PAPPA2: variants seen among roughly 807,000 people sequenced by gnomAD.
PAPPA2 encodes pappalysin 2.
PAPPA2 carries 86 observed loss-of-function variants against 176.4 expected under a neutral mutation model. That is an observed-to-expected ratio of 0.49 (90% CI 0.41 to 0.58). The LOEUF is 0.58. Ranked by LOEUF, PAPPA2 falls within the 20% of genes least tolerant of loss-of-function variation. The probability of loss-of-function intolerance (pLI) is 0.00; values close to 1 mark genes in which losing one functional copy is unlikely to be tolerated. For synonymous variants in PAPPA2, 809 were observed against 852.2 expected, an observed-to-expected ratio of 0.95 and a Z score of 0.88; for missense variants, 2,073 against 2,256.9, an observed-to-expected ratio of 0.92 and a Z score of 1.65.
At chr1:176,824,436 T>C (rs1370648596) in intron 21 of PAPPA2, among the ~76,000 whole-genome samples, 1 of 152,244 alleles carries the variant, frequency 6.6e-6, no homozygotes, top group Non-Finnish European at 1.5e-5. Flanking sequence ...TTTATTCTCT[T>C]CTTTGGCTGT....
At chr1:176,764,657 C>G (rs946476702) in intron 14 of PAPPA2, among the ~76,000 whole-genome samples, 1 of 146,936 alleles carries the variant, frequency 6.8e-6, no homozygotes, top group Non-Finnish European at 1.5e-5. Flanking sequence ...AGTGCAGTGG[C>G]GAGATCTGGG....
At chr1:176,757,931 G>C (rs1302339072) in intron 14 of PAPPA2, among the ~76,000 whole-genome samples, 1 of 152,086 alleles carries the variant, frequency 6.6e-6, no homozygotes, top group Non-Finnish European at 1.5e-5. Context: ...CCAGCACTAG[G>C]ACCCCCAAGT....
At chr1:176,623,959 GC>G (rs1280751596) in intron 3 of PAPPA2, among the ~76,000 whole-genome samples, 1 of 151,300 alleles carries the variant, frequency 6.6e-6, no homozygotes, top group African/African-American at 2.4e-5. Context: ...TCCTACTTCA[GC>G]CCCCCAAGTA....
intron 1 of PAPPA2, among the ~76,000 whole-genome samples, chr1:176,512,250 T>G (rs1455235741): frequency 6.9e-6 from 1 of 144,000 alleles, no homozygotes; most frequent in African/African-American, 2.6e-5. Flanking sequence ...AAAGACCACA[T>G]TAAGTGTTGG....
chr1:176,768,264 A>T (rs1389594794), intron 15 of PAPPA2, among the ~76,000 whole-genome samples: 1 of 151,294 alleles, frequency 6.6e-6, no homozygotes, highest in Non-Finnish European at 1.5e-5. Flanking sequence ...GGAAGTCCTG[A>T]TCATTTTTCA....
intron 21 of PAPPA2, among the ~76,000 whole-genome samples, chr1:176,816,975 A>T (rs1571370463): frequency 6.6e-6 from 1 of 152,300 alleles, no homozygotes; most frequent in South Asian, 2.1e-4. Context: ...CTGTATATTT[A>T]TTGTGAATGA....
At position 176,739,711 on chromosome 1, in the gene PAPPA2, C is replaced by G. The variant is rs368670186; in HGVS notation, c.3884C>G (p.Pro1295Arg). The change falls in exon 13 of 23, where the codon CCG (proline) becomes CGG (arginine). Residue 1295 changes from proline to arginine, a missense_variant. Pro to Arg is a moderately radical substitution (Grantham distance 103). Transcript: ENST00000367662. ...DGLVPGEHQQ[P>R]TVTLYLTDVR... is the part of the protein sequence containing the mutation. The stretch of plus-strand genomic sequence containing the variant: ...CTAGTTCCCGGAGAGCATCAGCAGC[C>G]GACAGTGACTCTCTACCTGACCGAT... The G allele has an allele frequency of 6.2e-7, 1 of 1,613,584 alleles. No individual in the cohort carries two copies. The highest frequency in any genetic ancestry group is 1.1e-5 in the South Asian group (1 of 91,066).
Position 176,671,017 on chromosome 1 carries a change from G to A in PAPPA2, c.2039G>A (p.Ser680Asn). The A allele has an allele frequency of 1.2e-6, 2 of 1,613,990 alleles. No individual in the cohort carries two copies. The highest frequency in any genetic ancestry group is 1.7e-6 in the Non-Finnish European group (2 of 1,179,906). The change falls in exon 4 of 23, where the codon AGT (serine) becomes AAT (asparagine). Residue 680 changes from serine to asparagine, a missense_variant. By Grantham distance (46) the Ser-to-Asn change is conservative. Transcript: ENST00000367662. Reference protein sequence around the residue: ...KELKEALQLNSTHFLNIYFAS... With the variant: ...KELKEALQLNNTHFLNIYFAS... ...CTGAAGGAGGCCCTGCAGCTGAACA[G>A]TACTCACTTCCTCAACATCTACTTT...
chr1:176,479,584 C>T (rs1200455472), intron 1 of PAPPA2, among the ~76,000 whole-genome samples: 5 of 152,064 alleles, frequency 3.3e-5, no homozygotes, highest in Admixed American at 3.3e-4. Context: ...CTTGGGCATT[C>T]TTGTAGGTAT....
At chr1:176,591,041 G>A (rs151046683) in intron 2 of PAPPA2, among the ~76,000 whole-genome samples, 37 of 151,590 alleles carry the variant, frequency 2.4e-4, no homozygotes, top group Non-Finnish European at 4.6e-4. Flanking sequence ...ATAAATGGGA[G>A]ATAACATTAC....
At chr1:176,491,729 T>TAGTTATTTA (rs1326567523) in intron 1 of PAPPA2, among the ~76,000 whole-genome samples, 2 of 152,190 alleles carry the variant, frequency 1.3e-5, no homozygotes, top group East Asian at 3.8e-4. Context: ...AAAGCATTAG[T>TAGTTATTTA]AGTTATTTGT....
In PAPPA2 at chr1:176,672,746, A is replaced by T. The variant is rs74592100; in HGVS notation, c.2137+1631A>T. Among the ~76,000 whole-genome samples the T allele has an allele frequency of 5.8e-3, 878 of 152,272 alleles. 28 individuals are homozygous for T. In the East Asian group the frequency reaches 0.094, roughly 16 times the overall value. Reference sequence around the variant, plus strand: ...TGCATAACAAATTAAACATGTAAGGATCCAAATTAAATGCTTTGCCAGCGT... The same window carrying T: ...TGCATAACAAATTAAACATGTAAGGTTCCAAATTAAATGCTTTGCCAGCGT... On this transcript the variant is annotated intron_variant, in intron 4 of 22. Transcript: ENST00000367662.
At chr1:176,486,460 A>G (rs1017773035) in intron 1 of PAPPA2, among the ~76,000 whole-genome samples, 1 of 152,202 alleles carries the variant, frequency 6.6e-6, no homozygotes, top group Non-Finnish European at 1.5e-5. Context: ...TCTACAGTGC[A>G]CTGTAGAATA....
intron 1 of PAPPA2, among the ~76,000 whole-genome samples, chr1:176,484,210 G>A (rs1476136288): frequency 1.3e-5 from 2 of 152,158 alleles, no homozygotes; most frequent in African/African-American, 4.8e-5. Flanking sequence ...GTCAGATGCA[G>A]TTTCTATCTT....
At chr1:176,549,796 T>G (rs1031250157) in intron 1 of PAPPA2, among the ~76,000 whole-genome samples, 1 of 152,178 alleles carries the variant, frequency 6.6e-6, no homozygotes, top group Non-Finnish European at 1.5e-5. Flanking sequence ...GAATACTGTA[T>G]GCAAAATTAA....
chr1:176,599,979 A>G (rs1050501128), intron 3 of PAPPA2, among the ~76,000 whole-genome samples: 2 of 151,698 alleles, frequency 1.3e-5, no homozygotes, highest in African/African-American at 4.8e-5. Context: ...TGCCTTCCCT[A>G]TCCTATTTTT....
At chr1:176,648,416 T>G (rs749228830) in intron 3 of PAPPA2, among the ~76,000 whole-genome samples, 7 of 151,572 alleles carry the variant, frequency 4.6e-5, no homozygotes, top group Non-Finnish European at 1.0e-4. Context: ...CTAGTTTGGA[T>G]GCCCTTTATT....
At chr1:176,764,634 T>C (rs953269740) in intron 14 of PAPPA2, among the ~76,000 whole-genome samples, 2 of 151,142 alleles carry the variant, frequency 1.3e-5, no homozygotes, top group Non-Finnish European at 2.9e-5. Flanking sequence ...TCTCGCTCTG[T>C]CGCTCAGGCT....
chr1:176,726,935 G>C (rs1205023730), intron 12 of PAPPA2, among the ~76,000 whole-genome samples: 1 of 152,154 alleles, frequency 6.6e-6, no homozygotes, highest in East Asian at 1.9e-4. Context: ...TGACCACAAA[G>C]GACAAGGCGG....
Sources: gnomAD v4.1 joint callset for allele counts (sites outside exome capture counted in the v4.1 genomes callset) on GRCh38, gnomAD v4.1.1 for gene constraint, MANE v1.5 for transcripts, NCBI Gene and HGNC (gene_info 2026-07-23, HGNC 2026-07-21) for gene names.